The following PHF20 variants were observed in gnomAD, a reference collection of about 807,000 sequenced individuals.
PHF20 encodes glioma-expressed antigen 2.
In PHF20, 23 loss-of-function variants were observed where a neutral mutation model predicts 113.5. The ratio of observed to expected loss-of-function variants is 0.20; its 90% CI spans 0.15 to 0.29. The LOEUF is 0.29. Ranked by LOEUF, PHF20 falls within the 10% of genes least tolerant of loss-of-function variation. PHF20 has a pLI of 1.00. For missense variants in PHF20, 943 were observed against 1,219.6 expected (o/e 0.77, Z 3.38); for synonymous variants, 434 against 457.3 (o/e 0.95, Z 0.65).
intron 1 of PHF20, among the ~76,000 whole-genome samples, chr20:35,789,888 C>G (rs1228667305): frequency 9.8e-6 from 1 of 101,974 alleles, no homozygotes; most frequent in East Asian, 3.4e-4. Context: ...CAGTTTTACT[C>G]TTGTTCCCCA....
chr20:35,866,164 C>T (rs937493571), intron 6 of PHF20, among the ~76,000 whole-genome samples: 8 of 152,080 alleles, frequency 5.3e-5, no homozygotes, highest in African/African-American at 1.2e-4. Context: ...GAGCCGATAT[C>T]GCACCACTGC....
chr20:35,820,922 C>T (rs1013889282), intron 2 of PHF20, among the ~76,000 whole-genome samples: 3 of 151,920 alleles, frequency 2.0e-5, no homozygotes, highest in African/African-American at 7.3e-5. Context: ...CAGACAGAGG[C>T]AGCCAAGGCA....
At chr20:35,854,586 T>C (rs2042795552) in intron 4 of PHF20, among the ~76,000 whole-genome samples, 1 of 151,810 alleles carries the variant, frequency 6.6e-6, no homozygotes, top group South Asian at 2.1e-4. Context: ...AAGCCCAAGT[T>C]AGGCTGTGTT....
At chr20:35,853,757 C>CTT (rs775477393) in intron 4 of PHF20, among the ~76,000 whole-genome samples, 13 of 140,482 alleles carry the variant, frequency 9.3e-5, no homozygotes, top group African/African-American at 2.9e-4. Context: ...CTATTTCTTT[C>CTT]TTTTTTTTTT....
At chr20:35,834,120 G>T (rs550599664) in intron 2 of PHF20, among the ~76,000 whole-genome samples, 4 of 152,146 alleles carry the variant, frequency 2.6e-5, no homozygotes, top group African/African-American at 9.6e-5. Context: ...GCTTTAGAAG[G>T]GGGCAGGGAA....
intron 2 of PHF20, among the ~76,000 whole-genome samples, chr20:35,832,558 A>G (rs1391183214): frequency 6.6e-6 from 1 of 152,196 alleles, no homozygotes; most frequent in Non-Finnish European, 1.5e-5. Context: ...TACTTGAGAT[A>G]GTGTAGTCAG....
chr20:35,812,196 T>G (rs79351895), intron 2 of PHF20, among the ~76,000 whole-genome samples: 7,286 of 152,294 alleles, frequency 0.048, 214 homozygotes, highest in African/African-American at 0.089. Flanking sequence ...AGCAATAATT[T>G]TATAATATCT....
chr20:35,783,046 AAAAT>A (rs1436921924), intron 1 of PHF20, among the ~76,000 whole-genome samples: 1 of 152,064 alleles, frequency 6.6e-6, no homozygotes, highest in East Asian at 1.9e-4. Flanking sequence ...AGAAAAAAAA[AAAAT>A]TAGTTTGGCA....
chr20:35,814,310 C>G (rs1292809798), intron 2 of PHF20, among the ~76,000 whole-genome samples: 3 of 151,676 alleles, frequency 2.0e-5, no homozygotes, highest in Non-Finnish European at 4.4e-5. Context: ...CTCTGCCTCC[C>G]TAGTTCAAGC....
chr20:35,850,390 C>T (rs527991235), intron 4 of PHF20, among the ~76,000 whole-genome samples: 2 of 141,590 alleles, frequency 1.4e-5, no homozygotes, highest in East Asian at 4.2e-4. Context: ...CTCACTGCAA[C>T]CTCCACCTCC....
intron 2 of PHF20, among the ~76,000 whole-genome samples, chr20:35,826,517 A>C (rs1472393103): frequency 6.6e-6 from 1 of 152,174 alleles, no homozygotes; most frequent in Non-Finnish European, 1.5e-5. Flanking sequence ...AGGAAGTGAA[A>C]TTAAAGAATG....
intron 14 of PHF20, among the ~76,000 whole-genome samples, chr20:35,929,853 T>C (rs897674741): frequency 2.6e-5 from 4 of 152,242 alleles, no homozygotes; most frequent in Non-Finnish European, 4.4e-5. Context: ...ATTCGTTTTT[T>C]AAAGGCTACT....
chr20:35,859,874 A>T (rs17093175), intron 5 of PHF20, among the ~76,000 whole-genome samples: 7,381 of 152,068 alleles, frequency 0.049, 226 homozygotes, highest in African/African-American at 0.099. Flanking sequence ...TGATGAAATG[A>T]TTCTACTTAT....
intron 12 of PHF20, among the ~76,000 whole-genome samples, chr20:35,915,494 C>G (rs2055388117): frequency 6.6e-6 from 1 of 152,010 alleles, no homozygotes. Context: ...TCAAGCAATT[C>G]TCCTGTCTCA....
At chr20:35,946,651 TTTTTATTTTATTTTA>T (rs1157595006) in intron 17 of PHF20, among the ~76,000 whole-genome samples, 2 of 149,224 alleles carry the variant, frequency 1.3e-5, no homozygotes, top group African/African-American at 2.4e-5. Context: ...AGCTTTTTAT[TTTTTATTTTATTTTA>T]TTTTATTTTA....
At chr20:35,905,398 G>T (rs1441640800) in intron 10 of PHF20, among the ~76,000 whole-genome samples, 2 of 152,160 alleles carry the variant, frequency 1.3e-5, no homozygotes, top group Non-Finnish European at 2.9e-5. Context: ...CTAACCCTCA[G>T]TGTGATGGTA....
intron 2 of PHF20, among the ~76,000 whole-genome samples, chr20:35,826,670 A>G (rs1220842783): frequency 6.6e-6 from 1 of 152,196 alleles, no homozygotes. Flanking sequence ...CTGAAGAGTG[A>G]AAATTTAAGC....
intron 2 of PHF20, among the ~76,000 whole-genome samples, chr20:35,829,894 C>A (rs964358480): frequency 6.7e-6 from 1 of 148,524 alleles, no homozygotes; most frequent in Non-Finnish European, 1.5e-5. Context: ...TGAGCCACCA[C>A]GCCCAGCCCA....
At chr20:35,857,576 T>TTTG (rs1568660944) in intron 4 of PHF20, among the ~76,000 whole-genome samples, 2 of 128,380 alleles carry the variant, frequency 1.6e-5, no homozygotes, top group African/African-American at 7.2e-5. Flanking sequence ...TTTTTTTTTT[T>TTTG]TTTTTTTTTT....
Sources: gnomAD v4.1 joint callset for allele counts (sites outside exome capture counted in the v4.1 genomes callset) on GRCh38, gnomAD v4.1.1 for gene constraint, MANE v1.5 for transcripts, NCBI Gene and HGNC (gene_info 2026-07-23, HGNC 2026-07-21) for gene names.